The following CHRM3 variants were observed in gnomAD, a reference collection of about 807,000 sequenced individuals.
The protein encoded by CHRM3 is cholinergic receptor muscarinic 3.
CHRM3 carries 11 observed loss-of-function variants against 41.8 expected under a neutral mutation model. That is an observed-to-expected ratio of 0.26 (90% confidence interval 0.17 to 0.44). The LOEUF (loss-of-function observed/expected upper bound fraction) is 0.44. Ranked by LOEUF, CHRM3 falls within the 20% of genes least tolerant of loss-of-function variation. CHRM3 has a pLI of 1.00. For missense variants in CHRM3, 571 were observed against 745.4 expected (o/e 0.77, Z 2.72); for synonymous variants, 297 against 301.4 (o/e 0.99, Z 0.15).
chr1:239,784,739 G>A (rs1333850467), intron 5 of CHRM3, among the ~76,000 whole-genome samples: 12 of 151,456 alleles, frequency 7.9e-5, no homozygotes, highest in Admixed American at 7.9e-4. Context: ...ATGGTTTTTT[G>A]TTTGTTTTTG....
Position 239,907,976 on chromosome 1 carries a change from G to A in CHRM3, c.525G>A (p.Thr175=), listed in dbSNP as rs746065076. Residue 175 remains threonine (T), a synonymous_variant, in exon 7 of 7, where the codon ACG becomes ACA. Coordinates refer to ENST00000676153, the MANE Select transcript of CHRM3 (RefSeq NM_001375978.1). The surrounding 1 kb of genome is among the most constrained non-coding windows in gnomAD (Gnocchi z 5.4). The part of the protein sequence containing the change: ...DRYFSITRPL[T]YRAKRTTKRA... ...ACTTTTCCATCACGAGGCCGCTCAC[G>A]TACCGAGCCAAACGAACAACAAAGA... 31 of 1,614,034 alleles carry A rather than the reference G, an allele frequency of 1.9e-5. No homozygotes were observed. The South Asian group carries it at 2.7e-4, about 14-fold the overall frequency.
chr1:239,796,674 A>G (rs1250114526), intron 5 of CHRM3, among the ~76,000 whole-genome samples: 1 of 152,164 alleles, frequency 6.6e-6, no homozygotes, highest in East Asian at 1.9e-4. Context: ...CCTTCTTGGC[A>G]TCCACCAAGT....
intron 5 of CHRM3, among the ~76,000 whole-genome samples, chr1:239,709,985 A>G (rs1026146776): frequency 6.6e-6 from 1 of 152,236 alleles, no homozygotes; most frequent in Admixed American, 6.5e-5. Flanking sequence ...GTAACTCTGC[A>G]GTCCTCCTCC....
chr1:239,392,641 G>A (rs1487815318), intron 1 of CHRM3, among the ~76,000 whole-genome samples: 1 of 152,230 alleles, frequency 6.6e-6, no homozygotes, highest in Non-Finnish European at 1.5e-5. Context: ...GGGCTACCAA[G>A]TGTGTACTTC....
intron 3 of CHRM3, among the ~76,000 whole-genome samples, chr1:239,563,421 G>A (rs1661064021): frequency 6.6e-6 from 1 of 151,990 alleles, no homozygotes; most frequent in Non-Finnish European, 1.5e-5. Context: ...CAATATTTGG[G>A]GACAGTAAGA....
chr1:239,395,049 C>G (rs1659362410), intron 1 of CHRM3, among the ~76,000 whole-genome samples: 1 of 152,152 alleles, frequency 6.6e-6, no homozygotes, highest in Admixed American at 6.5e-5. Context: ...GGTAGCCCTT[C>G]CTTGTCTGTC....
intron 1 of CHRM3, among the ~76,000 whole-genome samples, chr1:239,435,181 A>G (rs544127850): frequency 4.0e-5 from 6 of 149,212 alleles, no homozygotes; most frequent in Non-Finnish European, 7.4e-5. Context: ...GCTGGGAGCG[A>G]TGGCTCACGC....
intron 3 of CHRM3, among the ~76,000 whole-genome samples, chr1:239,606,741 A>C (rs949002561): frequency 6.6e-5 from 10 of 152,234 alleles, no homozygotes; most frequent in Non-Finnish European, 1.3e-4. Flanking sequence ...AAGATGGTGT[A>C]GGCTAAATAA....
intron 6 of CHRM3, among the ~76,000 whole-genome samples, chr1:239,874,256 AGCAAGAC>A (rs1676839398): frequency 7.2e-6 from 1 of 139,352 alleles, no homozygotes; most frequent in East Asian, 2.0e-4. Context: ...ATATATATAT[AGCAAGAC>A]CTATATATAT....
chr1:239,614,362 A>T (rs142594546), intron 3 of CHRM3, among the ~76,000 whole-genome samples: 50 of 152,342 alleles, frequency 3.3e-4, no homozygotes, highest in African/African-American at 1.2e-3. Context: ...TACAGAAGGT[A>T]GGAAAGTGGC....
chr1:239,474,916 A>G (rs375332942), intron 1 of CHRM3, among the ~76,000 whole-genome samples: 107 of 152,268 alleles, frequency 7.0e-4, no homozygotes, highest in Middle Eastern at 3.4e-3. Context: ...TCAAACAAAA[A>G]TAAATGAGAC....
In CHRM3 at chr1:239,875,993, C is replaced by T. The variant is rs1331462593; in HGVS notation, c.-19-31440C>T. On this transcript the variant is annotated intron_variant, in intron 6 of 6. Transcript: ENST00000676153. ...TAGCATCCCTTATAATAGACTACAC[C>T]TCAATCCTTGAATTGTGGAGGTGAG... Among the ~76,000 whole-genome samples the T allele has an allele frequency of 2.0e-5, 3 of 152,278 alleles. No homozygotes were observed. The East Asian group carries it at 5.8e-4, about 29-fold the overall frequency.
chr1:239,777,061 C>A lies in CHRM3; in HGVS notation c.-146-50191C>A, dbSNP rs187252864. Among the ~76,000 whole-genome samples, 78 of 152,270 alleles carry A rather than the reference C, an allele frequency of 5.1e-4. 1 individual carries two copies. The East Asian group carries it at 0.011, about 22-fold the overall frequency. The stretch of plus-strand genomic sequence containing the variant: ...ACCATATCAATAGTATATCCTTTAT[C>A]CATGAGCTAACACAATAATCCTTTC... On this transcript the variant is annotated intron_variant, in intron 5 of 6. Coordinates refer to ENST00000676153, the MANE Select transcript of CHRM3 (RefSeq NM_001375978.1).
intron 3 of CHRM3, among the ~76,000 whole-genome samples, chr1:239,568,717 C>CTGCTCTTTTTCCTCAGCCTCCT (rs1558326400): frequency 2.6e-4 from 40 of 152,072 alleles, no homozygotes; most frequent in African/African-American, 4.3e-4. Flanking sequence ...CTCAGCCTCC[C>CTGCTCTTTTTCCTCAGCCTCCT]CTCTTCTTCC....
chr1:239,784,218 C>T (rs998693810), intron 5 of CHRM3, among the ~76,000 whole-genome samples: 4 of 152,050 alleles, frequency 2.6e-5, no homozygotes, highest in Non-Finnish European at 5.9e-5. Flanking sequence ...GCTCTGAGGT[C>T]TACTCTGTCT....
At chr1:239,718,003 G>A (rs1344896180) in intron 5 of CHRM3, among the ~76,000 whole-genome samples, 4 of 152,030 alleles carry the variant, frequency 2.6e-5, no homozygotes, top group Non-Finnish European at 5.9e-5. Context: ...AATGGTATAG[G>A]TGTAAGGAAA....
At chr1:239,693,964 A>G (rs1042139008) in intron 5 of CHRM3, among the ~76,000 whole-genome samples, 10 of 152,212 alleles carry the variant, frequency 6.6e-5, no homozygotes, top group African/African-American at 2.4e-4. Flanking sequence ...ACAGAAAGCC[A>G]TATTTCAGAA....
At chr1:239,850,484 A>T (rs1674612641) in intron 6 of CHRM3, among the ~76,000 whole-genome samples, 1 of 152,146 alleles carries the variant, frequency 6.6e-6, no homozygotes, top group South Asian at 2.1e-4. Flanking sequence ...AGGCAGTCAA[A>T]CCCGTGTCAT....
At chr1:239,585,190 A>G (rs1663287252) in intron 3 of CHRM3, among the ~76,000 whole-genome samples, 1 of 152,060 alleles carries the variant, frequency 6.6e-6, no homozygotes, top group African/African-American at 2.4e-5. Flanking sequence ...TTTTGATGCT[A>G]AAAGGATAAT....
Sources: gnomAD v4.1 joint callset for allele counts (sites outside exome capture counted in the v4.1 genomes callset) on GRCh38, gnomAD v4.1.1 for gene constraint, Gnocchi (gnomAD v3.1) non-coding constraint, MANE v1.5 for transcripts, NCBI Gene and HGNC (gene_info 2026-07-23, HGNC 2026-07-21) for gene names.